Variants in SORL1 observed in about 807,000 individuals in gnomAD.
The protein encoded by SORL1 is sortilin related receptor 1, also known as sortilin-related receptor.
SORL1 carries 127 observed loss-of-function variants against 273.7 expected under a neutral mutation model. That is an observed-to-expected ratio of 0.46 (90% CI 0.40 to 0.54). The LOEUF is 0.54. Ranked by LOEUF, SORL1 falls within the 20% of genes least tolerant of loss-of-function variation. The pLI is 0.00. For synonymous variants in SORL1, 1,031 were observed against 1,067.4 expected (o/e 0.97, Z 0.66); for missense variants, 2,494 against 2,846.1 (o/e 0.88, Z 2.81).
At position 121,577,361 on chromosome 11, in the gene SORL1, A is replaced by G; in HGVS notation, c.3541A>G (p.Asn1181Asp). The stretch of plus-strand genomic sequence containing the variant: ...CTCCTCCTGGGTATGTGACGGGGAC[A>G]ACGACTGCAGGGACTGGTCTGATGA... ...IRSSWVCDGD[N>D]DCRDWSDEAN... The change falls in exon 25 of 48, where the codon AAC (asparagine) becomes GAC (aspartate). Residue 1181 changes from asparagine (N) to aspartate (D), a missense_variant. By Grantham distance (23) the Asn-to-Asp change is conservative (BLOSUM62 1). Coordinates refer to ENST00000260197, the MANE Select transcript of SORL1 (RefSeq NM_003105.6). 6.2e-7 allele frequency: 1 copy of G among 1,613,522 alleles called. No individual in the cohort carries two copies. The highest frequency in any genetic ancestry group is 8.5e-7 in the Non-Finnish European group (1 of 1,179,674).
Position 121,627,563 on chromosome 11 carries a change from G to C in SORL1, c.6373G>C (p.Ala2125Pro). 5 of 1,614,038 alleles carry C rather than the reference G, an allele frequency of 3.1e-6. No individual in the cohort carries two copies. The highest frequency in any genetic ancestry group is 4.2e-6 in the Non-Finnish European group (5 of 1,179,918). ...LYDELGSGADASATQAARSTD... is the reference protein window; with the variant it reads ...LYDELGSGADPSATQAARSTD... ...GAACTTTGCCTTGGCAGGTGCAGAT[G>C]CATCTGCAACGCAGGCTGCCAGATC... The change falls in exon 47 of 48, where the codon GCA becomes CCA. Residue 2125 changes from alanine to proline, a missense_variant. Transcript: ENST00000260197. The surrounding 1 kb of genome is among the most constrained non-coding windows in gnomAD (Gnocchi z 4.9).
At chr11:121,540,749 C>T (rs759575878) in intron 12 of SORL1, among the ~76,000 whole-genome samples, 23 of 152,120 alleles carry the variant, frequency 1.5e-4, no homozygotes, top group Non-Finnish European at 4.4e-5. Context: ...TGGTCATGTA[C>T]CTGCTTGTTA....
In SORL1 at chr11:121,608,151, A is replaced by C; in HGVS notation, c.5214A>C (p.Lys1738Asn). Residue 1738 changes from lysine (K) to asparagine (N), a missense_variant, in exon 38 of 48, where the codon AAA (lysine) becomes AAC (asparagine). By Grantham distance (94) the Lys-to-Asn change is moderately conservative. Coordinates refer to ENST00000260197, the MANE Select transcript of SORL1 (RefSeq NM_003105.6). Reference protein sequence around the residue: ...SRGIGNWSDSKSITTIKGKVI... With the variant: ...SRGIGNWSDSNSITTIKGKVI... ...GAATAGGAAACTGGAGCGATTCTAA[A>C]TCCATTACCACCATAAAAGGAAAAG... 10 of 1,613,970 alleles carry C rather than the reference A, an allele frequency of 6.2e-6. No individual in the cohort carries two copies. Among genetic ancestry groups the C allele is most frequent in the Non-Finnish European group, 8.5e-6 (10 of 1,179,812 alleles).
intron 1 of SORL1, among the ~76,000 whole-genome samples, chr11:121,469,338 T>C (rs1322673044): frequency 6.6e-6 from 1 of 152,244 alleles, no homozygotes; most frequent in Non-Finnish European, 1.5e-5. Flanking sequence ...AGAGAGTAGC[T>C]AGTCCTGTTT....
At chr11:121,501,913 T>C (rs1861714239) in intron 6 of SORL1, among the ~76,000 whole-genome samples, 1 of 152,208 alleles carries the variant, frequency 6.6e-6, no homozygotes, top group South Asian at 2.1e-4. Flanking sequence ...ATCATTACTT[T>C]AACCATTTTT....
At chr11:121,599,273 G>A (rs1274270570) in intron 32 of SORL1, among the ~76,000 whole-genome samples, 3 of 152,214 alleles carry the variant, frequency 2.0e-5, no homozygotes, top group African/African-American at 7.2e-5. Context: ...GGCCAGGCGC[G>A]GTGGCTCACA....
At chr11:121,591,573 A>G (rs1863215106) in intron 31 of SORL1, among the ~76,000 whole-genome samples, 1 of 152,210 alleles carries the variant, frequency 6.6e-6, no homozygotes, top group African/African-American at 2.4e-5. Flanking sequence ...GGCCTGTCCA[A>G]CTAAAAGAAG....
chr11:121,614,713 G>A, intron 40 of SORL1, 158 bp from the exon 41 acceptor site: 2 of 632,872 alleles, frequency 3.2e-6, no homozygotes, highest in East Asian at 2.8e-5. Flanking sequence ...GTACATAAAC[G>A]TTGAATGAAT....
chr11:121,557,127 A>C, intron 18 of SORL1, 187 bp from the exon 19 acceptor site: 1 of 599,276 alleles, frequency 1.7e-6, no homozygotes, highest in Non-Finnish European at 3.0e-6. Context: ...TTGTCCCATG[A>C]GTCAGAGGAA....
chr11:121,494,815 G>A (rs117490146), intron 5 of SORL1, among the ~76,000 whole-genome samples: 4 of 152,190 alleles, frequency 2.6e-5, no homozygotes, highest in African/African-American at 9.6e-5. Context: ...CTCAATAAAG[G>A]TTCCTTCCTC....
chr11:121,566,542 CT>C (rs1007923554), intron 21 of SORL1, among the ~76,000 whole-genome samples: 1 of 152,142 alleles, frequency 6.6e-6, no homozygotes, highest in African/African-American at 2.4e-5. Flanking sequence ...GGTCTGCAGA[CT>C]GAGCTTATCT....
intron 23 of SORL1, among the ~76,000 whole-genome samples, chr11:121,572,675 G>A (rs111832086): frequency 0.013 from 1,947 of 152,198 alleles, 33 homozygotes; most frequent in African/African-American, 0.044. Context: ...GTTAAGTGAG[G>A]CACCCTGCCA....
At chr11:121,569,683 T>C (rs1321040777) in intron 22 of SORL1, among the ~76,000 whole-genome samples, 1 of 152,202 alleles carries the variant, frequency 6.6e-6, no homozygotes, top group African/African-American at 2.4e-5. Context: ...TCAGTGACAA[T>C]GCGTGCCCAA....
In SORL1 at chr11:121,496,962, C is replaced by G. The variant is rs1354226730; in HGVS notation, c.852C>G (p.Phe284Leu). 1 of 1,613,966 alleles carries G rather than the reference C, an allele frequency of 6.2e-7. No individual in the cohort carries two copies. The highest frequency in any genetic ancestry group is 8.5e-7 in the Non-Finnish European group (1 of 1,179,980). ...YSTVFRSTDFFQSRENQEVIL... is the reference protein window; with the variant it reads ...YSTVFRSTDFLQSRENQEVIL... ...CTGTCTTCCGAAGTACAGATTTCTTCCAGTCCCGGGAAAACCAGGAAGTGA... is the reference window on the plus strand; with the variant it reads ...CTGTCTTCCGAAGTACAGATTTCTTGCAGTCCCGGGAAAACCAGGAAGTGA... Residue 284 changes from phenylalanine to leucine, a missense_variant, in exon 6 of 48, where the codon TTC becomes TTG. Around this residue, in one of 3 missense-constraint regions of SORL1, gnomAD observed 710 missense variants for 882.5 expected, o/e 0.80. Transcript: ENST00000260197.
At chr11:121,586,827 T>C (rs898505349) in intron 27 of SORL1, among the ~76,000 whole-genome samples, 1 of 151,998 alleles carries the variant, frequency 6.6e-6, no homozygotes, top group Non-Finnish European at 1.5e-5. Flanking sequence ...CCTGGGGAGC[T>C]TTAAAACCAC....
Position 121,460,069 on chromosome 11 carries a change from G to A in SORL1, c.285+7453G>A, listed in dbSNP as rs144140495. ...TGTGATTATATCCCAAATCTGAGTGGCTGACAAGGACAATAAAAAGATGTA... is the reference window on the plus strand; with the variant it reads ...TGTGATTATATCCCAAATCTGAGTGACTGACAAGGACAATAAAAAGATGTA... On this transcript the variant is annotated intron_variant, in intron 1 of 47. Coordinates refer to ENST00000260197, the MANE Select transcript of SORL1 (RefSeq NM_003105.6). Among the ~76,000 whole-genome samples, 19 of 152,328 alleles carry A rather than the reference G, an allele frequency of 1.2e-4. No homozygotes were observed. In the East Asian group the frequency reaches 3.7e-3, roughly 29 times the overall value.
chr11:121,626,389 C>A (rs1022086261), intron 46 of SORL1: 1 of 152,086 alleles, frequency 6.6e-6, no homozygotes, highest in Non-Finnish European at 1.5e-5. Flanking sequence ...GCCGCACACA[C>A]CCCCTTCATT....
intron 42 of SORL1, 97 bp from the exon 43 acceptor site, chr11:121,619,656 T>C: frequency 9.7e-7 from 1 of 1,030,078 alleles, no homozygotes; most frequent in Non-Finnish European, 1.4e-6. Flanking sequence ...CTAACTGAAT[T>C]TTAATTGTTG....
chr11:121,512,013 A>T (rs1472350535), intron 6 of SORL1, among the ~76,000 whole-genome samples: 1 of 152,188 alleles, frequency 6.6e-6, no homozygotes, highest in Non-Finnish European at 1.5e-5. Flanking sequence ...TTCCTGATAG[A>T]TATGCAACAT....
Sources: gnomAD v4.1 joint callset for allele counts (sites outside exome capture counted in the v4.1 genomes callset) on GRCh38, gnomAD v4.1.1 for gene constraint, gnomAD v4.1.1 regional missense constraint, Gnocchi (gnomAD v3.1) non-coding constraint, MANE v1.5 for transcripts, NCBI Gene and HGNC (gene_info 2026-07-23, HGNC 2026-07-21) for gene names.